GRM6: variants seen among roughly 807,000 people sequenced by gnomAD.
The protein encoded by GRM6 is metabotropic glutamate receptor 6.
In GRM6, 73 loss-of-function variants were observed where a neutral mutation model predicts 78.4. That is an observed-to-expected ratio of 0.93 (90% CI 0.77 to 1.13). The LOEUF is 1.13. GRM6 is among the 50% of genes most tolerant of loss of function. The pLI, the probability that GRM6 is intolerant of heterozygous loss-of-function variation, is 0.00. For synonymous variants in GRM6, 580 were observed against 555.0 expected, an observed-to-expected ratio of 1.05 and a Z score of -0.63; for missense variants, 1,251 against 1,256.4, an observed-to-expected ratio of 1.00 and a Z score of 0.07.
At chr5:178,990,894 G>C (rs1760657762) in intron 4 of GRM6, 148 bp from the exon 5 acceptor site, 2 of 689,848 alleles carry the variant, frequency 2.9e-6, no homozygotes, top group Non-Finnish European at 4.8e-6. Context: ...GGGCATTTAG[G>C]GCACCTTCCC....
In GRM6 at chr5:178,992,095, G is replaced by A. The variant is rs780097077; in HGVS notation, c.505-12C>T. 1.3e-6 allele frequency: 2 copies of A among 1,599,628 alleles called. No individual in the cohort carries two copies. Among genetic ancestry groups the A allele is most frequent in the Non-Finnish European group, 1.7e-6 (2 of 1,167,548 alleles). On this transcript the variant is annotated splice_polypyrimidine_tract_variant and intron_variant, in intron 2 of 10. Transcript: ENST00000517717. This position sits in a 1 kb window ranked among gnomAD's most constrained non-coding sequence, Gnocchi z 4.9. ...CTGATCTGGGGTATCTGTGGGGCAG[G>A]AAGGACAGCTGGGCTGTGGATGGAG...
rs5019554 is a variant in GRM6 at position 178,988,982 on chromosome 5, G to A, written c.1307C>T (p.Thr436Ile). 14,223 of 1,614,046 alleles carry A rather than the reference G, an allele frequency of 8.8e-3. 88 individuals carry two copies. Among genetic ancestry groups the A allele is most frequent in the Non-Finnish European group, 9.8e-3 (11,620 of 1,179,974 alleles). The change falls in exon 7 of 11, where the codon ACT becomes ATT. Residue 436 changes from threonine to isoleucine, a missense_variant. By Grantham distance (89) the Thr-to-Ile change is moderately conservative. Coordinates refer to ENST00000517717, the MANE Select transcript of GRM6 (RefSeq NM_000843.4). The surrounding 1 kb of genome is among the most constrained non-coding windows in gnomAD (Gnocchi z 6.0). ...HTGLCPAMEPTDGRMLLQYIR... is the reference protein window; with the variant it reads ...HTGLCPAMEPIDGRMLLQYIR... ...GTACTGCAGAAGCATCCGCCCATCA[G>A]TGGGTTCCATCGCCGGGCACAGGCC...
chr5:178,981,568 C>T lies in GRM6; in HGVS notation c.*89G>A, dbSNP rs545893182. 2.0e-6 allele frequency: 2 copies of T among 1,022,498 alleles called. No individual in the cohort carries two copies. The highest frequency in any genetic ancestry group is 2.4e-5 in the East Asian group (1 of 40,956). 63.3% of individuals were successfully genotyped at this position (1,022,498 alleles called of 1,614,324 possible). A position where few individuals can be genotyped will look rare whatever the true frequency, so the allele number is the denominator to read the frequency against. On this transcript the variant is annotated 3_prime_UTR_variant, in exon 11 of 11. Coordinates refer to ENST00000517717, the MANE Select transcript of GRM6 (RefSeq NM_000843.4). This position sits in a 1 kb window ranked among gnomAD's most constrained non-coding sequence, Gnocchi z 5.1. ...GGCAAACTCCCTGCCACTGACTGTTCACCGTGGACCCGGGCTCTATACAGC... is the reference window on the plus strand; with the variant it reads ...GGCAAACTCCCTGCCACTGACTGTTTACCGTGGACCCGGGCTCTATACAGC...
chr5:178,990,405 C>T (rs1051404164), intron 5 of GRM6, among the ~76,000 whole-genome samples, 187 bp downstream of exon 5: 3 of 152,270 alleles, frequency 2.0e-5, no homozygotes, highest in Admixed American at 6.5e-5. Context: ...GTGCTTTCCT[C>T]GCACGCCATC....
Position 178,991,815 on chromosome 5 carries a change from C to T in GRM6, c.721+52G>A, listed in dbSNP as rs1185733413. ...TTTCTGCTTCTGCCCCAACTGAGGG[C>T]CCCGGGCCCACACTATGTAGACTCC... is the stretch of plus-strand genomic sequence containing the variant. On this transcript the variant is annotated intron_variant, in intron 3 of 10. Coordinates refer to ENST00000517717, the MANE Select transcript of GRM6 (RefSeq NM_000843.4). This position sits in a 1 kb window ranked among gnomAD's most constrained non-coding sequence, Gnocchi z 5.0. 4 of 1,486,896 alleles carry T rather than the reference C, an allele frequency of 2.7e-6. No individual in the cohort carries two copies. The highest frequency in any genetic ancestry group is 2.8e-5 in the African/African-American group (2 of 72,206). The allele number at this position is 1,486,896 out of a possible 1,614,324, so 92.1% of individuals were successfully genotyped here.
intron 9 of GRM6, chr5:178,985,907 A>G (rs973598762): frequency 1.9e-5 from 11 of 582,024 alleles, no homozygotes; most frequent in South Asian, 7.9e-5. Context: ...GACTACAGGC[A>G]CGCACCACCA....
rs115297481 is a variant in GRM6, at chr5:178,981,907, C to T, written c.2437-53G>A. ...GGACTCAGCCCTGCTCTCCCTGCCC[C>T]GCTCCACACAGTCCTCACCACATAC... On this transcript the variant is annotated intron_variant, in intron 10 of 10. Coordinates refer to ENST00000517717, the MANE Select transcript of GRM6 (RefSeq NM_000843.4). The surrounding 1 kb of genome is among the most constrained non-coding windows in gnomAD (Gnocchi z 5.1). The T allele has an allele frequency of 1.3e-3, 1,372 of 1,083,378 alleles. 15 individuals are homozygous for T. The African/African-American group carries it at 0.019, about 15-fold the overall frequency. The allele number at this position is 1,083,378 out of a possible 1,614,324, so 67.1% of individuals were successfully genotyped here.
chr5:178,989,247 A>G lies in GRM6; in HGVS notation c.1153+18T>C. 1 of 1,347,094 alleles carries G rather than the reference A, an allele frequency of 7.4e-7. No homozygotes were observed. Among genetic ancestry groups the G allele is most frequent in the Non-Finnish European group, 9.9e-7 (1 of 1,009,498 alleles). The allele number at this position is 1,347,094 out of a possible 1,614,324, so 83.4% of individuals were successfully genotyped here. On this transcript the variant is annotated intron_variant, in intron 6 of 10. Transcript: ENST00000517717. ...CCTCCCCACCCTCCCCACCCTCACCACCCTGGGCAGCTCTCACCTGTGCAT... is the reference window on the plus strand; with the variant it reads ...CCTCCCCACCCTCCCCACCCTCACCGCCCTGGGCAGCTCTCACCTGTGCAT...
In GRM6 at chr5:178,981,823, G is replaced by T; in HGVS notation, c.2468C>A (p.Ser823Tyr). 1 of 1,613,130 alleles carries T rather than the reference G, an allele frequency of 6.2e-7. No homozygotes were observed. Among genetic ancestry groups the T allele is most frequent in the South Asian group, 1.1e-5 (1 of 91,048 alleles). The change falls in exon 11 of 11, where the codon TCC (serine) becomes TAC (tyrosine). Residue 823 changes from serine (S) to tyrosine (Y), a missense_variant. By Grantham distance (144) the Ser-to-Tyr change is moderately radical (BLOSUM62 -2). Transcript: ENST00000517717. This position sits in a 1 kb window ranked among gnomAD's most constrained non-coding sequence, Gnocchi z 5.1. ...GGACACCGAGGCACTCAGGCTCAAG[G>T]ACACGGTTAGCGTGGTTGTCTGGAT... ...IYIQTTTLTV[S>Y]LSLSASVSLG...
chr5:178,984,640 C>G (rs772514581), intron 9 of GRM6, among the ~76,000 whole-genome samples: 1 of 152,098 alleles, frequency 6.6e-6, no homozygotes, highest in African/African-American at 2.4e-5. Context: ...CAGGCCGGGA[C>G]GTAGAGGGCA....
rs763322836 is a variant in GRM6 at position 178,986,670 on chromosome 5, C to A, written c.1584G>T (p.Lys528Asn). 1.1e-5 allele frequency: 18 copies of A among 1,603,030 alleles called. No homozygotes were observed. The Admixed American group carries it at 2.0e-4, about 18-fold the overall frequency. The change falls in exon 9 of 11, where the codon AAG becomes AAT. Residue 528 changes from lysine (K) to asparagine (N), a missense_variant. Transcript: ENST00000517717. The part of the protein sequence containing the change: ...CSLPCGPGER[K>N]KMVKGVPCCW... ...AGCAGGGGACGCCCTTCACCATCTT[C>A]TTCCGCTCCCCCGGCCCGCAGGGCA...
rs1290982324 is a variant in GRM6, at chr5:178,980,643, TG to T, written c.*1013del. Reference sequence around the variant, plus strand: ...GGGTTTTTTTGGTGTTTTTTTGTTTTGTTTTTTTGAGACAGAGTCTCGCTCT... The same window carrying T: ...GGGTTTTTTTGGTGTTTTTTTGTTTTTTTTTTTGAGACAGAGTCTCGCTCT... On this transcript the variant is annotated 3_prime_UTR_variant, in exon 11 of 11. Coordinates refer to ENST00000517717, the MANE Select transcript of GRM6 (RefSeq NM_000843.4). The surrounding 1 kb of genome is among the most constrained non-coding windows in gnomAD (Gnocchi z 4.3). The T allele has an allele frequency of 6.5e-6, 1 of 152,962 alleles. No homozygotes were observed. Among genetic ancestry groups the T allele is most frequent in the Non-Finnish European group, 1.5e-5 (1 of 68,292 alleles). The allele number at this position is 152,962 out of a possible 1,614,324, so 9.5% of individuals were successfully genotyped here.
rs751452976 is a variant in GRM6 at position 178,986,188 on chromosome 5, G to C, written c.2066C>G (p.Pro689Arg). The change falls in exon 9 of 11, where the codon CCT (proline) becomes CGT (arginine). Residue 689 changes from proline (P) to arginine (R), a missense_variant. Transcript: ENST00000517717. ...CTGTGAGGTGGGGCTGATGAAGGGA[G>C]GGGGTGTGACCGAGCGCTTGCCCTG... The part of the protein sequence containing the change: ...FEQGKRSVTP[P>R]PFISPTSQLV... 9 of 1,613,994 alleles carry C rather than the reference G, an allele frequency of 5.6e-6. No homozygotes were observed. The East Asian group carries it at 6.7e-5, about 12-fold the overall frequency.
At chr5:178,985,791 T>C (rs1338317843) in intron 9 of GRM6, 3 of 509,130 alleles carry the variant, frequency 5.9e-6, no homozygotes, top group African/African-American at 5.8e-5. Context: ...AGACAGGGTC[T>C]TACTCTGACA....
chr5:178,983,029 G>A lies in GRM6; in HGVS notation c.2317C>T (p.Arg773Cys), dbSNP rs766682788. The change falls in exon 10 of 11, where the codon CGT becomes TGT. Residue 773 changes from arginine to cysteine, a missense_variant. Physicochemically the swap from Arg to Cys is radical, Grantham distance 180. Coordinates refer to ENST00000517717, the MANE Select transcript of GRM6 (RefSeq NM_000843.4). ...VTCTVYAIKA[R>C]GVPETFNEAK... ...TCGTTGAAGGTCTCGGGCACGCCAC[G>A]GGCCTTGATGGCGTACACTGTGCAC... 1.7e-5 allele frequency: 28 copies of A among 1,613,718 alleles called. No homozygotes were observed. The highest frequency in any genetic ancestry group is 4.4e-5 in the South Asian group (4 of 91,082).
Position 178,983,645 on chromosome 5 carries a change from C to G in GRM6, c.2125-424G>C, listed in dbSNP as rs79769143. ...CGCCTCTCTAGCCTCCTCACGTGTA[C>G]TGAGCTTCAAAATCAGGGCACGCCA... is the stretch of plus-strand genomic sequence containing the variant. On this transcript the variant is annotated intron_variant, in intron 9 of 10. Transcript: ENST00000517717. The G allele has an allele frequency of 9.9e-3, 3,582 of 363,244 alleles. 113 individuals carry two copies. Among genetic ancestry groups the G allele is most frequent in the African/African-American group, 0.071 (3,336 of 47,222 alleles). 22.5% of individuals were successfully genotyped at this position (363,244 alleles called of 1,614,324 possible).
At position 178,989,111 on chromosome 5, in the gene GRM6, G is replaced by T; in HGVS notation, c.1178C>A (p.Ser393Tyr). 1 of 1,614,046 alleles carries T rather than the reference G, an allele frequency of 6.2e-7. No homozygotes were observed. Among genetic ancestry groups the T allele is most frequent in the Non-Finnish European group, 8.5e-7 (1 of 1,179,982 alleles). Residue 393 changes from serine to tyrosine, a missense_variant, in exon 7 of 11, where the codon TCC becomes TAC. Transcript: ENST00000517717. Reference sequence around the variant, plus strand: ...CACCTTGCCCTCCTGCTCGTAGGTGGAGTCCCGGCCGATGCGTTCCTCGCC... The same window carrying T: ...CACCTTGCCCTCCTGCTCGTAGGTGTAGTCCCGGCCGATGCGTTCCTCGCC... ...CTGEERIGRD[S>Y]TYEQEGKVQF...
rs1008360422 is a variant in GRM6, at chr5:178,990,692, G to A, written c.912C>T (p.Val304=). 19 of 1,598,098 alleles carry A rather than the reference G, an allele frequency of 1.2e-5. No individual in the cohort carries two copies. The East Asian group carries it at 3.0e-4, about 25-fold the overall frequency. Residue 304 remains valine, a synonymous_variant, in exon 5 of 11, where the codon GTC becomes GTT. Transcript: ENST00000517717. The part of the protein sequence containing the change: ...QANLTGHFLW[V]GSDSWGAKTS... ...TCTTGGCTCCCCAGCTGTCTGAGCC[G>A]ACCCACAGGAAGTGGCCGGTCAGGT...
chr5:178,985,676 C>CT (rs1561716981), intron 9 of GRM6: 1 of 394,618 alleles, frequency 2.5e-6, no homozygotes, highest in East Asian at 7.7e-5. Context: ...GCACTCCAGC[C>CT]TGGGCGACAC....
Sources: gnomAD v4.1 joint callset for allele counts (sites outside exome capture counted in the v4.1 genomes callset) on GRCh38, gnomAD v4.1.1 for gene constraint, Gnocchi (gnomAD v3.1) non-coding constraint, MANE v1.5 for transcripts, NCBI Gene and HGNC (gene_info 2026-07-23, HGNC 2026-07-21) for gene names.